The following TAF5L variants were observed in gnomAD, a reference collection of about 807,000 sequenced individuals.
The protein encoded by TAF5L is TAF5-like RNA polymerase II p300/CBP-associated factor-associated factor 65 kDa subunit 5L.
Under a neutral mutation model 51.3 loss-of-function variants are expected in TAF5L, and 7 were observed. That is an observed-to-expected ratio of 0.14 (90% CI 0.08 to 0.26). The LOEUF is 0.26. Ranked by LOEUF, TAF5L falls within the 10% of genes least tolerant of loss-of-function variation. The probability of loss-of-function intolerance (pLI) is 1.00; values close to 1 mark genes in which losing one functional copy is unlikely to be tolerated. For missense variants in TAF5L, 575 were observed against 758.9 expected, an observed-to-expected ratio of 0.76 and a Z score of 2.85; for synonymous variants, 291 against 308.1, an observed-to-expected ratio of 0.94 and a Z score of 0.58.
rs1159114481 is a variant in TAF5L, at chr1:229,606,306, G to A, written c.248-3387C>T. ...TAACATACTCTGTATTTTACTGAAAGTGTACTCACTTAAAATATATTTTTT... is the reference window on the plus strand; with the variant it reads ...TAACATACTCTGTATTTTACTGAAAATGTACTCACTTAAAATATATTTTTT... On this transcript the variant is annotated intron_variant, in intron 3 of 4. Coordinates refer to ENST00000258281, the Ensembl canonical transcript of TAF5L. 5 of 825,092 alleles carry A rather than the reference G, an allele frequency of 6.1e-6. No individual in the cohort carries two copies. The South Asian group carries it at 2.2e-4, about 36-fold the overall frequency. 51.1% of individuals were successfully genotyped at this position (825,092 alleles called of 1,614,324 possible).
chr1:229,611,389 A>T (rs1664780828), intron 2 of TAF5L, among the ~76,000 whole-genome samples: 1 of 152,204 alleles, frequency 6.6e-6, no homozygotes, highest in Admixed American at 6.5e-5. Flanking sequence ...CGCGTCCTGA[A>T]TGAAACATGA....
rs1348854431 is a variant in TAF5L at position 229,602,407 on chromosome 1, G to C, written c.760C>G (p.Pro254Ala). ...TAGAAGCAGATGGTAGTGAGGGAGG[G>C]AGGCCCATCCTTGACTCGCTTAATG... is the stretch of plus-strand genomic sequence containing the variant. The change falls in exon 4 of 5, where the codon CCC becomes GCC. Residue 254 changes from proline (P) to alanine (A), a missense_variant. Around this residue, in one of 3 missense-constraint regions of TAF5L, gnomAD observed 380 missense variants for 443.7 expected, o/e 0.86. Coordinates refer to ENST00000258281, the Ensembl canonical transcript of TAF5L. The surrounding 1 kb of genome is among the most constrained non-coding windows in gnomAD (Gnocchi z 4.6). 5.6e-6 allele frequency: 9 copies of C among 1,613,910 alleles called. No homozygotes were observed. The East Asian group carries it at 8.9e-5, about 16-fold the overall frequency.
At chr1:229,619,505 C>T (rs115118345) in intron 1 of TAF5L, among the ~76,000 whole-genome samples, 1,929 of 152,212 alleles carry the variant, frequency 0.013, 39 homozygotes, top group African/African-American at 0.045. Context: ...GTGGAAATCA[C>T]GAAATCCAGC....
intron 4 of TAF5L, 100 bp from the exon 5 acceptor site, chr1:229,595,194 G>A: frequency 7.9e-7 from 1 of 1,265,008 alleles, no homozygotes. Flanking sequence ...GTAGAGAACT[G>A]AGACTGCTTG....
At chr1:229,614,532 A>G (rs1340403247) in intron 1 of TAF5L, 47 bp from the exon 2 acceptor site, 1 of 1,602,936 alleles carries the variant, frequency 6.2e-7, no homozygotes, top group South Asian at 1.1e-5. Context: ...GGGGCCTGGG[A>G]GAGCAACCTA....
intron 1 of TAF5L, among the ~76,000 whole-genome samples, chr1:229,619,872 A>C (rs1170171195): frequency 2.0e-5 from 3 of 151,992 alleles, no homozygotes; most frequent in Non-Finnish European, 4.4e-5. Context: ...CTGCTTCTTC[A>C]CATTCCCGGC....
chr1:229,596,216 G>A (rs1664119279), intron 4 of TAF5L, among the ~76,000 whole-genome samples: 1 of 152,176 alleles, frequency 6.6e-6, no homozygotes. Flanking sequence ...TGAAGTTGCA[G>A]TGAACTGTGA....
chr1:229,594,365 T>G lies in TAF5L; in HGVS notation c.1702A>C (p.Ser568Arg). 1 of 1,614,106 alleles carries G rather than the reference T, an allele frequency of 6.2e-7. No homozygotes were observed. Among genetic ancestry groups the G allele is most frequent in the African/African-American group, 1.3e-5 (1 of 75,044 alleles). The change falls in exon 5 of 5, where the codon AGC (serine) becomes CGC (arginine). Residue 568 changes from serine to arginine, a missense_variant. This residue lies in a region of TAF5L where 91 missense variants were observed against 96.9 expected (regional missense o/e 0.94). Coordinates refer to ENST00000258281, the Ensembl canonical transcript of TAF5L. This position sits in a 1 kb window ranked among gnomAD's most constrained non-coding sequence, Gnocchi z 7.9. ...AGGTTACAGGCCATGAACTGCACGCTCAGGACGTTGCTCATCTGCCCGGTG... is the reference window on the plus strand; with the variant it reads ...AGGTTACAGGCCATGAACTGCACGCGCAGGACGTTGCTCATCTGCCCGGTG...
At chr1:229,608,229 C>A (rs1443720419) in intron 3 of TAF5L, among the ~76,000 whole-genome samples, 1 of 151,936 alleles carries the variant, frequency 6.6e-6, no homozygotes, top group Non-Finnish European at 1.5e-5. Flanking sequence ...AGAAAATGGT[C>A]AAAATATTAC....
chr1:229,596,912 T>C (rs1664146473), intron 4 of TAF5L, among the ~76,000 whole-genome samples: 1 of 152,114 alleles, frequency 6.6e-6, no homozygotes, highest in South Asian at 2.1e-4. Flanking sequence ...CAAAATAAAA[T>C]GAATGCCTCC....
At chr1:229,618,968 T>A (rs1484310501) in intron 1 of TAF5L, among the ~76,000 whole-genome samples, 5 of 152,214 alleles carry the variant, frequency 3.3e-5, no homozygotes, top group African/African-American at 1.2e-4. Flanking sequence ...TACACAATCC[T>A]CAAATCAGCT....
At position 229,602,518 on chromosome 1, in the gene TAF5L, G is replaced by A. The variant is rs145984199; in HGVS notation, c.649C>T (p.Arg217Cys). The A allele has an allele frequency of 2.1e-5, 34 of 1,614,052 alleles. No homozygotes were observed. The highest frequency in any genetic ancestry group is 2.5e-5 in the Non-Finnish European group (30 of 1,180,020). ...GGCTCCAAACCGTTGTTCTCACTGC[G>A]GGAGGAGCTGCCACTGGCATACAGC... The change falls in exon 4 of 5, where the codon CGC becomes TGC. Residue 217 changes from arginine (R) to cysteine (C), a missense_variant. Transcript: ENST00000258281. The surrounding 1 kb of genome is among the most constrained non-coding windows in gnomAD (Gnocchi z 4.6).
At chr1:229,604,906 C>T (rs1433440162) in intron 3 of TAF5L, among the ~76,000 whole-genome samples, 1 of 152,082 alleles carries the variant, frequency 6.6e-6, no homozygotes, top group Non-Finnish European at 1.5e-5. Context: ...GCATTCTTTC[C>T]TTTCTCGTTC....
chr1:229,597,559 G>C (rs541556610), intron 4 of TAF5L, among the ~76,000 whole-genome samples: 1 of 152,290 alleles, frequency 6.6e-6, no homozygotes, highest in South Asian at 2.1e-4. Flanking sequence ...GCCTCAGCAC[G>C]GTCGAGCAGC....
At chr1:229,593,711 C>T (rs1003759113) in exon 5 of TAF5L, 1 of 151,836 alleles carries the variant, frequency 6.6e-6, no homozygotes, top group Admixed American at 6.6e-5. Flanking sequence ...GAGAAGGTGC[C>T]CTCTGCCAGT....
At chr1:229,623,596 C>T (rs775701424) in intron 1 of TAF5L, among the ~76,000 whole-genome samples, 1 of 152,214 alleles carries the variant, frequency 6.6e-6, no homozygotes, top group African/African-American at 2.4e-5. Flanking sequence ...CACACGAACC[C>T]AGGAACAAAT....
chr1:229,611,536 A>C (rs1664787484), intron 2 of TAF5L, among the ~76,000 whole-genome samples: 1 of 152,210 alleles, frequency 6.6e-6, no homozygotes, highest in South Asian at 2.1e-4. Context: ...AGGAAGAGAC[A>C]GTCAGAAGAG....
intron 1 of TAF5L, among the ~76,000 whole-genome samples, chr1:229,615,171 T>A (rs2102761381): frequency 6.6e-6 from 1 of 152,274 alleles, no homozygotes; most frequent in African/African-American, 2.4e-5. Flanking sequence ...CACTGCAAGC[T>A]CTGCCTCCTG....
intron 1 of TAF5L, among the ~76,000 whole-genome samples, chr1:229,614,725 G>A (rs1446707857): frequency 1.3e-5 from 2 of 152,100 alleles, no homozygotes; most frequent in Non-Finnish European, 2.9e-5. Flanking sequence ...GAAAAGCATC[G>A]ATAATAAAGT....
Sources: allele counts gnomAD v4.1 joint callset (sites outside exome capture counted in the v4.1 genomes callset), GRCh38; gene constraint gnomAD v4.1.1; regional missense constraint gnomAD v4.1.1; non-coding constraint Gnocchi (gnomAD v3.1); transcripts MANE v1.5; gene names NCBI Gene and HGNC (gene_info 2026-07-23, HGNC 2026-07-21).